The following DISC1 variants were observed in gnomAD, a reference collection of about 807,000 sequenced individuals.
The protein encoded by DISC1 is DISC1 scaffold protein, also known as disrupted in schizophrenia 1 protein.
Under a neutral mutation model 84.5 loss-of-function variants are expected in DISC1, and 57 were observed. The observed-to-expected ratio is 0.67, with a 90% CI of 0.55 to 0.84. DISC1 has a LOEUF of 0.84. Among genes scored for constraint, DISC1 ranks in the 40% least tolerant of loss-of-function variants. The probability of loss-of-function intolerance (pLI) is 0.00; values close to 1 mark genes in which losing one functional copy is unlikely to be tolerated. For missense variants in DISC1, 1,000 were observed against 1,057.8 expected (o/e 0.95, Z 0.76); for synonymous variants, 411 against 415.2 (o/e 0.99, Z 0.12).
intron 9 of DISC1, among the ~76,000 whole-genome samples, chr1:231,900,696 A>T (rs199697175): frequency 3.4e-4 from 51 of 152,164 alleles, no homozygotes; most frequent in Non-Finnish European, 6.6e-4. Flanking sequence ...TGTGTATGCC[A>T]GATGCATTTT....
intron 6 of DISC1, among the ~76,000 whole-genome samples, chr1:231,778,012 C>T (rs900751074): frequency 1.3e-5 from 2 of 152,096 alleles, no homozygotes; most frequent in Non-Finnish European, 2.9e-5. Flanking sequence ...CTTAGTCCAG[C>T]AATGGAAAGA....
chr1:231,999,183 A>G (rs1317121964), intron 10 of DISC1, among the ~76,000 whole-genome samples: 1 of 152,198 alleles, frequency 6.6e-6, no homozygotes, highest in Non-Finnish European at 1.5e-5. Context: ...GAAAAAAGGC[A>G]TGGACCATTT....
chr1:231,758,224 A>C (rs114869400), intron 4 of DISC1, among the ~76,000 whole-genome samples: 1 of 152,004 alleles, frequency 6.6e-6, no homozygotes, highest in Non-Finnish European at 1.5e-5. Context: ...TTCAAAATCA[A>C]CCTGTACTCA....
chr1:231,900,574 G>A lies in DISC1; in HGVS notation c.1982-58254G>A, dbSNP rs74457634. On this transcript the variant is annotated intron_variant, in intron 9 of 12. Transcript: ENST00000439617. ...GTGAAGAATTATGGGTTTGTGAACC[G>A]TTATATTCGGTATAAGGCCATATTC... is the stretch of plus-strand genomic sequence containing the variant. Among the ~76,000 whole-genome samples the A allele has an allele frequency of 3.5e-3, 537 of 152,298 alleles. 4 individuals carry two copies. The highest frequency in any genetic ancestry group is 0.012 in the African/African-American group (506 of 41,562).
rs139614078 is a variant in DISC1, at chr1:231,806,323, C to G, written c.1792+6113C>G. ...AAGGGCAGCGGTGGCATCCATACCT[C>G]TTAATCCAAGGCAGCTTTGGCCTCA... On this transcript the variant is annotated intron_variant, in intron 8 of 12. Transcript: ENST00000439617. Among the ~76,000 whole-genome samples the G allele has an allele frequency of 2.9e-3, 441 of 152,346 alleles. 2 individuals carry two copies. Among genetic ancestry groups the G allele is most frequent in the African/African-American group, 0.01 (421 of 41,572 alleles).
intron 4 of DISC1, among the ~76,000 whole-genome samples, chr1:231,758,437 G>C (rs1558490719): frequency 6.6e-6 from 1 of 152,104 alleles, no homozygotes; most frequent in South Asian, 2.1e-4. Context: ...CCATGGGGTA[G>C]GGGAGAAAAA....
intron 11 of DISC1, among the ~76,000 whole-genome samples, chr1:232,016,690 T>A (rs1260254965): frequency 1.3e-5 from 2 of 152,212 alleles, no homozygotes; most frequent in Non-Finnish European, 2.9e-5. Context: ...TTTGTTTGGT[T>A]CTGTTAATTA....
intron 1 of DISC1, among the ~76,000 whole-genome samples, chr1:231,645,550 G>A (rs2060050316): frequency 6.6e-6 from 1 of 150,608 alleles, no homozygotes; most frequent in Non-Finnish European, 1.5e-5. Context: ...TTTAAGGTCT[G>A]GGGTACATGT....
chr1:231,656,393 G>T (rs969716349), intron 1 of DISC1, among the ~76,000 whole-genome samples: 2 of 152,106 alleles, frequency 1.3e-5, no homozygotes, highest in Non-Finnish European at 2.9e-5. Context: ...TCAGTTGGTT[G>T]TAACTATTTG....
intron 10 of DISC1, among the ~76,000 whole-genome samples, chr1:231,970,313 C>G (rs771491469): frequency 4.6e-5 from 7 of 152,216 alleles, no homozygotes; most frequent in Non-Finnish European, 1.0e-4. Context: ...GAGATGGTAT[C>G]TCATTGTGGT....
intron 1 of DISC1, among the ~76,000 whole-genome samples, chr1:231,677,749 C>T (rs573578040): frequency 7.2e-5 from 11 of 152,306 alleles, no homozygotes; most frequent in African/African-American, 1.4e-4. Context: ...GAGGCCAAGG[C>T]GGGTGGATCG....
intron 6 of DISC1, among the ~76,000 whole-genome samples, chr1:231,787,983 T>G (rs1450834112): frequency 6.6e-6 from 1 of 152,154 alleles, no homozygotes. Context: ...ATTCATCATG[T>G]CCAGAAGTCC....
chr1:231,875,843 C>T (rs1043571451), intron 9 of DISC1, among the ~76,000 whole-genome samples: 1 of 152,100 alleles, frequency 6.6e-6, no homozygotes, highest in African/African-American at 2.4e-5. Flanking sequence ...GGAATTGGGG[C>T]CACAAATAAA....
At chr1:231,818,252 A>G (rs1328922285) in intron 8 of DISC1, 77 bp from the exon 9 acceptor site, 112 of 1,419,038 alleles carry the variant, frequency 7.9e-5, no homozygotes, top group Non-Finnish European at 1.1e-4. Flanking sequence ...AATGTACATT[A>G]GCTGCTGCTA....
intron 9 of DISC1, among the ~76,000 whole-genome samples, chr1:231,852,147 A>G (rs4658958): frequency 0.17 from 25,711 of 152,226 alleles, 2,315 homozygotes; most frequent in Middle Eastern, 0.3. Flanking sequence ...GAGGGGTAGC[A>G]TGGGATTAAA....
In DISC1 at chr1:231,694,052, T is replaced by C. The variant is rs1293467338; in HGVS notation, c.294T>C (p.Pro98=). The change falls in exon 2 of 13, where the codon CCT becomes CCC. Residue 98 remains proline (P), a synonymous_variant. Transcript: ENST00000439617. ...LDSRGLLVRS[P]VSKSAAAPTV... is the part of the protein sequence containing the mutation. The stretch of plus-strand genomic sequence containing the variant: ...CGAGAGGCCTCTTGGTCCGGAGCCC[T>C]GTTTCCAAGAGTGCAGCAGCCCCTA... 3 of 1,614,080 alleles carry C rather than the reference T, an allele frequency of 1.9e-6. No homozygotes were observed. The highest frequency in any genetic ancestry group is 1.3e-5 in the African/African-American group (1 of 74,942).
intron 3 of DISC1, among the ~76,000 whole-genome samples, chr1:231,729,583 GA>G (rs1174976571): frequency 1.3e-5 from 2 of 152,156 alleles, no homozygotes; most frequent in Non-Finnish European, 2.9e-5. Context: ...TCAGCCAAAA[GA>G]AAATAGCTTC....
chr1:231,756,571 T>G (rs892389871), intron 4 of DISC1, among the ~76,000 whole-genome samples: 9 of 144,118 alleles, frequency 6.2e-5, no homozygotes, highest in African/African-American at 2.4e-4. Flanking sequence ...GAGACTGACT[T>G]CACTTTATTG....
intron 3 of DISC1, among the ~76,000 whole-genome samples, chr1:231,707,193 A>G (rs190120237): frequency 2.6e-5 from 4 of 152,342 alleles, no homozygotes; most frequent in Non-Finnish European, 4.4e-5. Flanking sequence ...GGCAGCCTGT[A>G]TCATTTTGCT....
Sources: allele counts gnomAD v4.1 joint callset (sites outside exome capture counted in the v4.1 genomes callset), GRCh38; gene constraint gnomAD v4.1.1; transcripts MANE v1.5; gene names NCBI Gene and HGNC (gene_info 2026-07-23, HGNC 2026-07-21).